The following PIK3R5 variants were observed in gnomAD, a reference collection of about 807,000 sequenced individuals.
PIK3R5 encodes phosphoinositide 3-kinase regulatory subunit 5.
A neutral mutation model predicts 94.9 loss-of-function variants in PIK3R5; 32 were observed. The ratio of observed to expected loss-of-function variants is 0.34; its 90% CI spans 0.25 to 0.45. The LOEUF (loss-of-function observed/expected upper bound fraction) is 0.45, where lower values mean the gene tolerates loss of function less well. Ranked by LOEUF, PIK3R5 falls within the 20% of genes least tolerant of loss-of-function variation. The probability of loss-of-function intolerance (pLI) is 1.00; values close to 1 mark genes in which losing one functional copy is unlikely to be tolerated. For synonymous variants in PIK3R5, 443 were observed against 479.4 expected (o/e 0.92, Z 0.99); for missense variants, 853 against 1,144.6 (o/e 0.75, Z 3.68).
At chr17:8,948,042 T>TAAAAA (rs71135932) in intron 1 of PIK3R5, among the ~76,000 whole-genome samples, 153 of 62,512 alleles carry the variant, frequency 2.4e-3, no homozygotes, top group Middle Eastern at 0.01. Flanking sequence ...GACTCCGTCT[T>TAAAAA]AAAAAAAAAA....
At position 8,885,102 on chromosome 17, in the gene PIK3R5, T is replaced by C. The variant is rs188007522; in HGVS notation, c.2129-319A>G. On this transcript the variant is annotated intron_variant, in intron 14 of 18. Coordinates refer to ENST00000447110, the MANE Select transcript of PIK3R5 (RefSeq NM_001142633.3). ...TGCCTCTCCAGGGCCCCATCTCCGCTGTGATCACACCTTCCCAGGGTCCTG... is the reference window on the plus strand; with the variant it reads ...TGCCTCTCCAGGGCCCCATCTCCGCCGTGATCACACCTTCCCAGGGTCCTG... 9.1e-4 allele frequency: 314 copies of C among 346,288 alleles called. 14 individuals are homozygous for C. In the East Asian group the frequency reaches 0.021, roughly 23 times the overall value. The allele number at this position is 346,288 out of a possible 1,614,324, so 21.5% of individuals were successfully genotyped here. A position where few individuals can be genotyped will look rare whatever the true frequency, so the allele number is the denominator to read the frequency against.
At position 8,925,692 on chromosome 17, in the gene PIK3R5, G is replaced by C. The variant is rs899699541; in HGVS notation, c.-13-14185C>G. ...TAAGAAAATCCAGGCTTAGGTTCAG[G>C]CCAAAATCTCTATAATAAGTGGGTA... is the stretch of plus-strand genomic sequence containing the variant. On this transcript the variant is annotated intron_variant, in intron 1 of 18. Transcript: ENST00000447110. The surrounding 1 kb of genome is among the most constrained non-coding windows in gnomAD (Gnocchi z 5.1). Among the ~76,000 whole-genome samples, 3 of 152,212 alleles carry C rather than the reference G, an allele frequency of 2.0e-5. No individual in the cohort carries two copies. Among genetic ancestry groups the C allele is most frequent in the Non-Finnish European group, 4.4e-5 (3 of 68,042 alleles).
In PIK3R5 at chr17:8,925,715, G is replaced by T. The variant is rs1276006823; in HGVS notation, c.-13-14208C>A. Reference sequence around the variant, plus strand: ...AGGCCAAAATCTCTATAATAAGTGGGTACAGCTTGCATCATGGCTGAGTAC... The same window carrying T: ...AGGCCAAAATCTCTATAATAAGTGGTTACAGCTTGCATCATGGCTGAGTAC... On this transcript the variant is annotated intron_variant, in intron 1 of 18. Coordinates refer to ENST00000447110, the MANE Select transcript of PIK3R5 (RefSeq NM_001142633.3). This position sits in a 1 kb window ranked among gnomAD's most constrained non-coding sequence, Gnocchi z 5.1. Among the ~76,000 whole-genome samples, 3 of 152,218 alleles carry T rather than the reference G, an allele frequency of 2.0e-5. No individual in the cohort carries two copies. The East Asian group carries it at 5.8e-4, about 29-fold the overall frequency.
intron 1 of PIK3R5, among the ~76,000 whole-genome samples, chr17:8,951,406 G>A (rs112421808): frequency 4.2e-4 from 64 of 151,836 alleles, no homozygotes; most frequent in African/African-American, 1.4e-3. Context: ...CTAACTCCCC[G>A]CCACTTCTCC....
intron 12 of PIK3R5, 111 bp from the exon 13 acceptor site, chr17:8,886,716 G>A (rs1357416315): frequency 1.6e-6 from 2 of 1,256,832 alleles, no homozygotes; most frequent in African/African-American, 1.5e-5. Context: ...CAGCCAGTCA[G>A]GGGGAGCTGG....
Position 8,904,918 on chromosome 17 carries a change from A to G in PIK3R5, c.274-3T>C. 1 of 1,612,222 alleles carries G rather than the reference A, an allele frequency of 6.2e-7. No individual in the cohort carries two copies. The highest frequency in any genetic ancestry group is 8.5e-7 in the Non-Finnish European group (1 of 1,180,002). On this transcript the variant is annotated splice_polypyrimidine_tract_variant and splice_region_variant and intron_variant, in intron 4 of 18. Coordinates refer to ENST00000447110, the MANE Select transcript of PIK3R5 (RefSeq NM_001142633.3). This position sits in a 1 kb window ranked among gnomAD's most constrained non-coding sequence, Gnocchi z 5.1. ...GAGTCTGGTGGGAAGTGTGGTGTCTAGGATGGAGGCAGGCAACAAGCAAAG... is the reference window on the plus strand; with the variant it reads ...GAGTCTGGTGGGAAGTGTGGTGTCTGGGATGGAGGCAGGCAACAAGCAAAG...
intron 1 of PIK3R5, among the ~76,000 whole-genome samples, chr17:8,953,494 A>G (rs1047405503): frequency 1.3e-5 from 2 of 152,130 alleles, no homozygotes; most frequent in Non-Finnish European, 2.9e-5. Flanking sequence ...AACAGCTATC[A>G]TAGCACCGTG....
At chr17:8,937,866 A>G (rs1164653592) in intron 1 of PIK3R5, among the ~76,000 whole-genome samples, 1 of 152,072 alleles carries the variant, frequency 6.6e-6, no homozygotes, top group Non-Finnish European at 1.5e-5. Context: ...CTGGAGTGCA[A>G]TGGCACAATC....
intron 1 of PIK3R5, among the ~76,000 whole-genome samples, chr17:8,951,748 AG>A (rs1339003327): frequency 1.3e-5 from 2 of 152,236 alleles, no homozygotes; most frequent in African/African-American, 4.8e-5. Flanking sequence ...CCACAACAGA[AG>A]GGATAAAGAA....
At chr17:8,952,593 G>A (rs1018174189) in intron 1 of PIK3R5, among the ~76,000 whole-genome samples, 1 of 152,212 alleles carries the variant, frequency 6.6e-6, no homozygotes, top group Non-Finnish European at 1.5e-5. Flanking sequence ...GGGCTGGCCA[G>A]TTAGTATTGA....
chr17:8,962,101 G>A (rs1669830897), intron 1 of PIK3R5, among the ~76,000 whole-genome samples: 1 of 152,242 alleles, frequency 6.6e-6, no homozygotes, highest in Non-Finnish European at 1.5e-5. Flanking sequence ...GTTAAGAGCA[G>A]ACGCCAGAGT....
At chr17:8,938,597 T>G (rs1172060096) in intron 1 of PIK3R5, among the ~76,000 whole-genome samples, 2 of 152,204 alleles carry the variant, frequency 1.3e-5, no homozygotes, top group Non-Finnish European at 2.9e-5. Flanking sequence ...TGGGTTTGCT[T>G]ATTCTGGACA....
chr17:8,890,197 G>A lies in PIK3R5; in HGVS notation c.658-71C>T. 1 of 1,516,460 alleles carries A rather than the reference G, an allele frequency of 6.6e-7. No homozygotes were observed. Among genetic ancestry groups the A allele is most frequent in the Non-Finnish European group, 9.1e-7 (1 of 1,103,910 alleles). The allele number at this position is 1,516,460 out of a possible 1,614,324, so 93.9% of individuals were successfully genotyped here. ...AGCTGTCCACCTGTTCCAGTTGCTA[G>A]CTTCTTACTGAGGGAGGCAGTGATC... On this transcript the variant is annotated intron_variant, in intron 7 of 18. Coordinates refer to ENST00000447110, the MANE Select transcript of PIK3R5 (RefSeq NM_001142633.3). This position sits in a 1 kb window ranked among gnomAD's most constrained non-coding sequence, Gnocchi z 6.1.
At position 8,888,932 on chromosome 17, in the gene PIK3R5, C is replaced by A; in HGVS notation, c.896-41G>T. The A allele has an allele frequency of 6.4e-7, 1 of 1,560,950 alleles. No individual in the cohort carries two copies. Among genetic ancestry groups the A allele is most frequent in the South Asian group, 1.2e-5 (1 of 84,348 alleles). The stretch of plus-strand genomic sequence containing the variant: ...GCCAGCACTGTCTGGGCGTCTGGGC[C>A]CCGGATCCCCTTCTATATTCCCTTT... On this transcript the variant is annotated intron_variant, in intron 9 of 18. Coordinates refer to ENST00000447110, the MANE Select transcript of PIK3R5 (RefSeq NM_001142633.3). This position sits in a 1 kb window ranked among gnomAD's most constrained non-coding sequence, Gnocchi z 7.8.
At chr17:8,962,407 T>C (rs1009209310) in intron 1 of PIK3R5, among the ~76,000 whole-genome samples, 1 of 152,242 alleles carries the variant, frequency 6.6e-6, no homozygotes, top group African/African-American at 2.4e-5. Flanking sequence ...TCCAACATGC[T>C]ACATTTATAA....
chr17:8,894,882 T>G (rs1597382956), intron 5 of PIK3R5, among the ~76,000 whole-genome samples: 2 of 143,276 alleles, frequency 1.4e-5, no homozygotes, highest in Non-Finnish European at 1.5e-5. Flanking sequence ...GGGGGCGGGG[T>G]AGGGCGGGGG....
chr17:8,952,630 T>C (rs2091395899), intron 1 of PIK3R5, among the ~76,000 whole-genome samples: 1 of 152,206 alleles, frequency 6.6e-6, no homozygotes, highest in Non-Finnish European at 1.5e-5. Context: ...AGAGTAATAT[T>C]TTTATAAATG....
In PIK3R5 at chr17:8,882,189, GC is replaced by G. The variant is rs1173478140; in HGVS notation, c.2206-309del. 2.6e-6 allele frequency: 1 copy of G among 378,782 alleles called. No homozygotes were observed. The highest frequency in any genetic ancestry group is 4.9e-6 in the Non-Finnish European group (1 of 202,806). The allele number at this position is 378,782 out of a possible 1,614,324, so 23.5% of individuals were successfully genotyped here. The stretch of plus-strand genomic sequence containing the variant: ...CGGGCCCAGAGTGAAGAAGGGTTGG[GC>G]CCACAGACATGCTGTTTCTGGCAGA... On this transcript the variant is annotated intron_variant, in intron 15 of 18. Coordinates refer to ENST00000447110, the MANE Select transcript of PIK3R5 (RefSeq NM_001142633.3). This position sits in a 1 kb window ranked among gnomAD's most constrained non-coding sequence, Gnocchi z 4.1.
At chr17:8,951,609 A>G (rs2091377486) in intron 1 of PIK3R5, among the ~76,000 whole-genome samples, 1 of 152,200 alleles carries the variant, frequency 6.6e-6, no homozygotes, top group African/African-American at 2.4e-5. Flanking sequence ...ATAATATTCA[A>G]TTGAATGTAT....
Sources: allele counts gnomAD v4.1 joint callset (sites outside exome capture counted in the v4.1 genomes callset), GRCh38; gene constraint gnomAD v4.1.1; non-coding constraint Gnocchi (gnomAD v3.1); transcripts MANE v1.5; gene names NCBI Gene and HGNC (gene_info 2026-07-23, HGNC 2026-07-21).